Variants in SVOP observed in about 807,000 individuals in gnomAD.
The protein encoded by SVOP is SV2 related protein, also known as synaptic vesicle 2-related protein.
A neutral mutation model predicts 69.1 loss-of-function variants in SVOP; 17 were observed. The ratio of observed to expected loss-of-function variants is 0.25; its 90% CI spans 0.17 to 0.37. The LOEUF is 0.37. SVOP is among the 10% of genes least tolerant of loss of function. SVOP has a pLI of 1.00. For synonymous variants in SVOP, 238 were observed against 238.6 expected (o/e 1.00, Z 0.02); for missense variants, 435 against 597.5 (o/e 0.73, Z 2.84).
chr12:108,968,709 A>C (rs566883137), intron 5 of SVOP, among the ~76,000 whole-genome samples: 762 of 73,430 alleles, frequency 0.01, 10 homozygotes, highest in African/African-American at 0.025. Flanking sequence ...TGGATTCCTG[A>C]AGTGTGTGTG....
intron 5 of SVOP, among the ~76,000 whole-genome samples, chr12:108,964,762 A>G (rs1345037887): frequency 2.0e-5 from 3 of 152,104 alleles, no homozygotes; most frequent in Admixed American, 2.0e-4. Flanking sequence ...TCCGTCTAAT[A>G]TCTGTTCTGC....
At chr12:108,949,112 T>C (rs1363313273) in intron 6 of SVOP, among the ~76,000 whole-genome samples, 3 of 152,168 alleles carry the variant, frequency 2.0e-5, no homozygotes, top group Non-Finnish European at 4.4e-5. Context: ...TTTTTTTGTT[T>C]AGTTATAGAG....
At position 108,912,186 on chromosome 12, in the gene SVOP, A is replaced by G. The variant is rs1409269607; in HGVS notation, c.*349T>C. 8.7e-7 allele frequency: 1 copy of G among 1,147,686 alleles called. No individual in the cohort carries two copies. The highest frequency in any genetic ancestry group is 1.1e-6 in the Non-Finnish European group (1 of 928,732). The allele number at this position is 1,147,686 out of a possible 1,614,324, so 71.1% of individuals were successfully genotyped here. On this transcript the variant is annotated 3_prime_UTR_variant, in exon 16 of 16. Transcript: ENST00000610966. ...GCCTGGACGGTATCTACAGAGAGAT[A>G]TTTTGGTTGTTCACTGAGGGTTTGG...
chr12:108,949,050 A>T, intron 6 of SVOP, among the ~76,000 whole-genome samples: 1 of 152,162 alleles, frequency 6.6e-6, no homozygotes, highest in East Asian at 1.9e-4. Context: ...GAGATCGAGG[A>T]TTTGTTTTTA....
intron 4 of SVOP, among the ~76,000 whole-genome samples, chr12:108,976,918 T>C (rs2040109669): frequency 1.3e-5 from 2 of 152,190 alleles, no homozygotes; most frequent in Non-Finnish European, 2.9e-5. Flanking sequence ...CCCAGCCCAT[T>C]CCTCTCTTTT....
At chr12:108,943,623 A>G (rs1204577114) in intron 7 of SVOP, among the ~76,000 whole-genome samples, 1 of 150,360 alleles carries the variant, frequency 6.7e-6, no homozygotes, top group Non-Finnish European at 1.5e-5. Flanking sequence ...AAGAATGGAC[A>G]CCAGTTATAC....
intron 1 of SVOP, among the ~76,000 whole-genome samples, chr12:108,990,224 G>C (rs1046766172): frequency 2.0e-5 from 3 of 152,160 alleles, no homozygotes; most frequent in African/African-American, 7.2e-5. Flanking sequence ...GTGTGTTCTG[G>C]AGCAGGAATC....
intron 1 of SVOP, among the ~76,000 whole-genome samples, chr12:108,994,478 G>A (rs1162367921): frequency 6.6e-6 from 1 of 152,102 alleles, no homozygotes; most frequent in Non-Finnish European, 1.5e-5. Context: ...TGGGTGACAT[G>A]GTGAACTCTG....
intron 11 of SVOP, among the ~76,000 whole-genome samples, chr12:108,930,464 A>T (rs117491021): frequency 0.034 from 4,669 of 137,452 alleles, 100 homozygotes; most frequent in Middle Eastern, 0.079. Context: ...TTTAGAGAGA[A>T]TCTCGCTTTG....
At chr12:108,969,724 T>TTCCTTCCTCCTTCC (rs1437828812) in intron 5 of SVOP, among the ~76,000 whole-genome samples, 2 of 151,620 alleles carry the variant, frequency 1.3e-5, no homozygotes, top group Non-Finnish European at 2.9e-5. Context: ...TTTTCCTTCC[T>TTCCTTCCTCCTTCC]TCCTTCCTTC....
At chr12:108,936,023 T>TACACACACACACACACACACACACAC (rs144380662) in intron 10 of SVOP, among the ~76,000 whole-genome samples, 11 of 144,664 alleles carry the variant, frequency 7.6e-5, no homozygotes, top group Non-Finnish European at 1.2e-4. Context: ...ATAGTATAAA[T>TACACACACACACACACACACACACAC]ACACACACAC....
intron 1 of SVOP, among the ~76,000 whole-genome samples, chr12:109,018,831 C>T (rs917194650): frequency 6.6e-6 from 1 of 152,128 alleles, no homozygotes; most frequent in African/African-American, 2.4e-5. Context: ...AGCTAATATG[C>T]ATTGAGTGCT....
Position 108,934,215 on chromosome 12 carries a change from T to C in SVOP, c.1028A>G (p.Gln343Arg). 1 of 1,605,968 alleles carries C rather than the reference T, an allele frequency of 6.2e-7. No homozygotes were observed. Among genetic ancestry groups the C allele is most frequent in the Non-Finnish European group, 8.5e-7 (1 of 1,176,252 alleles). The change falls in exon 11 of 16, where the codon CAG becomes CGG. Residue 343 changes from glutamine to arginine, a missense_variant. By Grantham distance (43) the Gln-to-Arg change is conservative (BLOSUM62 1). Coordinates refer to ENST00000610966, the MANE Select transcript of SVOP (RefSeq NM_018711.5). ...GLVLLTTELF[Q>R]AGDVCGISSR... is the part of the protein sequence containing the mutation. Reference sequence around the variant, plus strand: ...CTCACTGCCGCAGACATCTCCTGCCTGGAAGAGTTCTGTGGTGAGTAGAAC... The same window carrying C: ...CTCACTGCCGCAGACATCTCCTGCCCGGAAGAGTTCTGTGGTGAGTAGAAC...
intron 7 of SVOP, among the ~76,000 whole-genome samples, chr12:108,942,744 T>C (rs939957170): frequency 6.6e-6 from 1 of 152,222 alleles, no homozygotes; most frequent in Non-Finnish European, 1.5e-5. Flanking sequence ...ACTTTATAAA[T>C]AGTCCATTAT....
Position 108,983,744 on chromosome 12 carries a change from C to T in SVOP, c.53G>A (p.Arg18His), listed in dbSNP as rs1219698317. The change falls in exon 2 of 16, where the codon CGC (arginine) becomes CAC (histidine). Residue 18 changes from arginine to histidine, a missense_variant. Coordinates refer to ENST00000610966, the MANE Select transcript of SVOP (RefSeq NM_018711.5). ...CTCTGACCTTGCACTCTCGCCTGTG[C>T]GACGGAATTTCACAACCCTAGAGAA... ...LRQLPVVKFRRTGESARSEDD... is the reference protein window; with the variant it reads ...LRQLPVVKFRHTGESARSEDD... 2.3e-5 allele frequency: 9 copies of T among 398,766 alleles called. No homozygotes were observed. The highest frequency in any genetic ancestry group is 6.3e-4 in the Middle Eastern group (1 of 1,592). 24.7% of individuals were successfully genotyped at this position (398,766 alleles called of 1,614,324 possible).
intron 1 of SVOP, among the ~76,000 whole-genome samples, chr12:108,997,029 C>T (rs911423603): frequency 1.3e-5 from 2 of 152,216 alleles, no homozygotes; most frequent in Non-Finnish European, 2.9e-5. Flanking sequence ...CGGGTGATTT[C>T]TGCATTTCCA....
At chr12:108,932,508 T>C (rs1448130028) in intron 11 of SVOP, among the ~76,000 whole-genome samples, 1 of 152,144 alleles carries the variant, frequency 6.6e-6, no homozygotes, top group Non-Finnish European at 1.5e-5. Context: ...ACAGCTCCAG[T>C]GTTGTGGGGT....
intron 10 of SVOP, among the ~76,000 whole-genome samples, chr12:108,935,836 C>T (rs912742675): frequency 9.2e-5 from 14 of 152,048 alleles, no homozygotes; most frequent in Non-Finnish European, 1.5e-5. Flanking sequence ...ACCCCCAACC[C>T]ACACCTTCTG....
At chr12:108,982,755 T>A (rs1230034337) in intron 2 of SVOP, among the ~76,000 whole-genome samples, 1 of 149,820 alleles carries the variant, frequency 6.7e-6, no homozygotes, top group Non-Finnish European at 1.5e-5. Context: ...ATCATCATCA[T>A]CACTATCATC....
Sources: gnomAD v4.1 joint callset for allele counts (sites outside exome capture counted in the v4.1 genomes callset) on GRCh38, gnomAD v4.1.1 for gene constraint, MANE v1.5 for transcripts, NCBI Gene and HGNC (gene_info 2026-07-23, HGNC 2026-07-21) for gene names.